Variants in RFPL1 observed in about 807,000 individuals in gnomAD.
RFPL1 encodes the protein ret finger protein like 1.
In RFPL1, 6 loss-of-function variants were observed where a neutral mutation model predicts 9.6. The observed-to-expected ratio is 0.62, with a 90% CI of 0.34 to 1.23. The LOEUF (loss-of-function observed/expected upper bound fraction) is 1.23, where lower values mean the gene tolerates loss of function less well. Among genes scored for constraint, RFPL1 ranks in the 50% most tolerant of loss-of-function variants. RFPL1 has a pLI of 0.03. For synonymous variants in RFPL1, 145 were observed against 149.4 expected, an observed-to-expected ratio of 0.97 and a Z score of 0.22; for missense variants, 352 against 398.4, an observed-to-expected ratio of 0.88 and a Z score of 0.99.
the RFPL1 span, among the ~76,000 whole-genome samples, chr22:29,409,788 T>G: frequency 6.6e-6 from 1 of 152,208 alleles, no homozygotes; most frequent in African/African-American, 2.4e-5. Flanking sequence ...GAATATCATA[T>G]TTGATTGCCG....
the RFPL1 span, among the ~76,000 whole-genome samples, chr22:29,430,168 A>G: frequency 6.7e-6 from 1 of 148,958 alleles, no homozygotes; most frequent in Non-Finnish European, 1.5e-5. Context: ...CCATTTAAAC[A>G]TGGGTTTACA....
rs754887014 is a variant in RFPL1 at position 29,441,622 on chromosome 22, A to C, written c.454A>C (p.Ile152Leu). The change falls in exon 2 of 2, where the codon ATC becomes CTC. Residue 152 changes from isoleucine to leucine, a missense_variant. Physicochemically the swap from Ile to Leu is conservative, Grantham distance 5. Transcript: ENST00000354373. ...CCTCAGGAGCGTCCGAAGTGGGTGC[A>C]TCACACAGAATCGGCAAGACCTTGC... 4 of 1,613,922 alleles carry C rather than the reference A, an allele frequency of 2.5e-6. No individual in the cohort carries two copies. In the East Asian group the frequency reaches 6.7e-5, roughly 27 times the overall value.
At chr22:29,432,541 C>G in the RFPL1 span, among the ~76,000 whole-genome samples, 1 of 152,210 alleles carries the variant, frequency 6.6e-6, no homozygotes, top group African/African-American at 2.4e-5. Context: ...TAGCGTCTCT[C>G]GGTCGCCGGC....
chr22:29,438,551 G>T, upstream of RFPL1: 1 of 1,355,396 alleles, frequency 7.4e-7, no homozygotes, highest in Non-Finnish European at 9.6e-7. Context: ...GAGGTGAAAT[G>T]ACCCCAGCTC....
chr22:29,398,324 A>G, the RFPL1 span, among the ~76,000 whole-genome samples: 1 of 152,248 alleles, frequency 6.6e-6, no homozygotes, highest in Non-Finnish European at 1.5e-5. Context: ...AGGACTCGTA[A>G]TAATGGTGAT....
chr22:29,425,985 AATAG>A, the RFPL1 span, among the ~76,000 whole-genome samples: 3 of 152,190 alleles, frequency 2.0e-5, no homozygotes, highest in African/African-American at 4.8e-5. Context: ...TATATGGACT[AATAG>A]ATAGGATATC....
the RFPL1 span, among the ~76,000 whole-genome samples, chr22:29,421,988 A>G: frequency 9.8e-5 from 15 of 152,288 alleles, no homozygotes; most frequent in South Asian, 6.2e-4. Context: ...AGCTGATCCA[A>G]CAACAGACTC....
At chr22:29,392,378 C>CTTGTTTTTTTT in the RFPL1 span, among the ~76,000 whole-genome samples, 1 of 46,272 alleles carries the variant, frequency 2.2e-5, no homozygotes, top group Non-Finnish European at 4.0e-5. Context: ...CCACACCTGG[C>CTTGTTTTTTTT]TTTTTTTTTT....
chr22:29,425,170 C>G, the RFPL1 span, among the ~76,000 whole-genome samples: 2 of 145,508 alleles, frequency 1.4e-5, no homozygotes, highest in South Asian at 2.2e-4. Context: ...CGCCACTGCA[C>G]TCTAGCCTGG....
the RFPL1 span, among the ~76,000 whole-genome samples, chr22:29,408,776 G>T: frequency 6.6e-6 from 1 of 152,194 alleles, no homozygotes; most frequent in East Asian, 1.9e-4. Context: ...CTGTTTGGTA[G>T]TGAGTGTATT....
At chr22:29,391,142 A>G in the RFPL1 span, among the ~76,000 whole-genome samples, 1 of 151,574 alleles carries the variant, frequency 6.6e-6, no homozygotes, top group Admixed American at 6.6e-5. Flanking sequence ...ACTCTGTCTC[A>G]AAAAAAATAA....
exon 2 of RFPL1, chr22:29,441,643 C>G (rs769792808): frequency 1.2e-6 from 2 of 1,613,962 alleles, no homozygotes; most frequent in South Asian, 1.1e-5. Flanking sequence ...TCGGCAAGAC[C>G]TTGCCGAGAG....
the RFPL1 span, among the ~76,000 whole-genome samples, chr22:29,391,743 A>C: frequency 6.6e-6 from 1 of 152,178 alleles, no homozygotes; most frequent in Non-Finnish European, 1.5e-5. Flanking sequence ...AGAGAAAAGA[A>C]CTGTGCCGAG....
the RFPL1 span, among the ~76,000 whole-genome samples, chr22:29,418,701 C>T: frequency 4.1e-4 from 63 of 152,068 alleles, no homozygotes; most frequent in East Asian, 7.9e-3. Flanking sequence ...GATATCACCA[C>T]ATTGGCCAGG....
chr22:29,409,213 C>T, the RFPL1 span, among the ~76,000 whole-genome samples: 1 of 152,164 alleles, frequency 6.6e-6, no homozygotes, highest in African/African-American at 2.4e-5. Flanking sequence ...TTATTCCCCC[C>T]TCAAAGAAAC....
At chr22:29,388,206 C>A in the RFPL1 span, among the ~76,000 whole-genome samples, 12 of 152,178 alleles carry the variant, frequency 7.9e-5, no homozygotes, top group Non-Finnish European at 1.6e-4. Flanking sequence ...GGAGGTGCTG[C>A]GGGTATGGGG....
chr22:29,428,490 G>A, the RFPL1 span, among the ~76,000 whole-genome samples: 1 of 152,192 alleles, frequency 6.6e-6, no homozygotes, highest in Non-Finnish European at 1.5e-5. Flanking sequence ...AAGTCAGATT[G>A]AAGCTGCATT....
upstream of RFPL1, chr22:29,437,953 ATTTTT>A (rs3044138): frequency 2.0e-4 from 53 of 264,406 alleles, no homozygotes; most frequent in South Asian, 3.9e-4. Flanking sequence ...GAAGGATGTG[ATTTTT>A]TTTTTTTTTT....
chr22:29,414,581 AATACTG>A, the RFPL1 span, among the ~76,000 whole-genome samples: 1 of 152,126 alleles, frequency 6.6e-6, no homozygotes, highest in Non-Finnish European at 1.5e-5. Context: ...TCAATTACAG[AATACTG>A]ATTGTGTTTT....
Sources: gnomAD v4.1 joint callset for allele counts (sites outside exome capture counted in the v4.1 genomes callset) on GRCh38, gnomAD v4.1.1 for gene constraint, MANE v1.5 for transcripts, NCBI Gene and HGNC (gene_info 2026-07-23, HGNC 2026-07-21) for gene names.